The following TPRG1 variants were observed in gnomAD, a reference collection of about 807,000 sequenced individuals.
TPRG1 encodes tumor protein p63-regulated gene 1 protein.
In TPRG1, 29 loss-of-function variants were observed where a neutral mutation model predicts 29.3. The observed-to-expected ratio is 0.99, with a 90% CI of 0.74 to 1.35. The LOEUF (loss-of-function observed/expected upper bound fraction) is 1.35. Among genes scored for constraint, TPRG1 ranks in the 40% most tolerant of loss-of-function variants. The pLI is 0.00. For missense variants in TPRG1, 327 were observed against 335.0 expected (o/e 0.98, Z 0.19); for synonymous variants, 130 against 116.8 (o/e 1.11, Z -0.73).
intron 5 of TPRG1, among the ~76,000 whole-genome samples, chr3:189,156,997 A>G (rs1015498987): frequency 6.6e-6 from 1 of 152,186 alleles, no homozygotes; most frequent in Non-Finnish European, 1.5e-5. Flanking sequence ...CAGTGACAAA[A>G]GTCATACTAT....
intron 3 of TPRG1, among the ~76,000 whole-genome samples, chr3:189,215,888 T>C (rs919361236): frequency 1.3e-5 from 2 of 152,128 alleles, no homozygotes; most frequent in Non-Finnish European, 2.9e-5. Context: ...AGAGTTAGGA[T>C]AAAAACCAAG....
upstream of TPRG1, among the ~76,000 whole-genome samples, chr3:189,098,579 C>G (rs1461795017): frequency 6.6e-6 from 1 of 152,034 alleles, no homozygotes; most frequent in East Asian, 1.9e-4. Flanking sequence ...CTTGGGTGTT[C>G]AGAGGTTTTT....
chr3:189,040,439 T>C (rs1245474081), intron 4 of TPRG1, among the ~76,000 whole-genome samples: 1 of 152,258 alleles, frequency 6.6e-6, no homozygotes, highest in Admixed American at 6.5e-5. Flanking sequence ...TTGCTGCTGG[T>C]GGTATTCCCC....
chr3:189,283,963 A>G (rs1258996430), intron 4 of TPRG1, among the ~76,000 whole-genome samples: 1 of 152,218 alleles, frequency 6.6e-6, no homozygotes, highest in African/African-American at 2.4e-5. Flanking sequence ...AGATAAGATG[A>G]CTGGAGACTT....
In TPRG1 at chr3:189,129,870, A is replaced by T. The variant is rs532852391; in HGVS notation, c.-589-2529A>T. ...AATTTTACTTATTTTACTAACATTG[A>T]TCAAACATTTACTTCTATACAGGGC... On this transcript the variant is annotated intron_variant, in intron 2 of 6. Transcript: ENST00000412373. Among the ~76,000 whole-genome samples, 44 of 152,322 alleles carry T rather than the reference A, an allele frequency of 2.9e-4. 1 individual carries two copies. The South Asian group carries it at 5.0e-3, about 17-fold the overall frequency.
At chr3:189,150,621 G>C (rs962190170) in intron 4 of TPRG1, 1 of 152,164 alleles carries the variant, frequency 6.6e-6, no homozygotes, top group Non-Finnish European at 1.5e-5. Flanking sequence ...CACAATACAT[G>C]ATCAATAACT....
intron 4 of TPRG1, among the ~76,000 whole-genome samples, chr3:189,302,310 A>G (rs189956585): frequency 8.9e-4 from 135 of 152,320 alleles, no homozygotes; most frequent in African/African-American, 3.1e-3. Context: ...ACCTTTAACT[A>G]TGAGAGATTG....
intron 4 of TPRG1, 51 bp downstream of exon 4, chr3:189,238,960 C>A: frequency 1.4e-6 from 2 of 1,468,648 alleles, no homozygotes; most frequent in South Asian, 1.4e-5. Context: ...GATGGACCTG[C>A]AGGGAAAACA....
At chr3:189,201,811 T>G (rs1414031402) in intron 1 of TPRG1, among the ~76,000 whole-genome samples, 1 of 152,030 alleles carries the variant, frequency 6.6e-6, no homozygotes. Flanking sequence ...CCACCACGCC[T>G]GGCTAATTTT....
Position 189,101,476 on chromosome 3 carries a change from A to G in TPRG1, c.-744+1272A>G, listed in dbSNP as rs187154084. On this transcript the variant is annotated intron_variant, in intron 1 of 6. Coordinates refer to the TPRG1 transcript ENST00000412373. ...ATTTCACACTCACCCCCCACTGTCA[A>G]CCATGGACCTCTGGCAACCATGGAC... 3.3e-3 allele frequency among the ~76,000 whole-genome samples: 497 copies of G among 152,086 alleles called. 1 individual carries two copies. Among genetic ancestry groups the G allele is most frequent in the African/African-American group, 0.011 (477 of 41,516 alleles).
chr3:189,276,684 CATT>C (rs977808565), intron 4 of TPRG1, among the ~76,000 whole-genome samples: 8 of 152,118 alleles, frequency 5.3e-5, no homozygotes, highest in South Asian at 2.1e-4. Flanking sequence ...AAAAACAAGA[CATT>C]GTTAACAATC....
chr3:189,065,853 G>A (rs1716404658), intron 4 of TPRG1, among the ~76,000 whole-genome samples: 1 of 151,780 alleles, frequency 6.6e-6, no homozygotes, highest in African/African-American at 2.4e-5. Context: ...TGGAAAGGAA[G>A]GAATAAAACT....
At chr3:189,250,792 C>T (rs1742121759) in intron 4 of TPRG1, among the ~76,000 whole-genome samples, 2 of 150,274 alleles carry the variant, frequency 1.3e-5, no homozygotes, top group Admixed American at 1.3e-4. Context: ...TTAGTACCCA[C>T]TCGCTGTAGG....
intron 1 of TPRG1, among the ~76,000 whole-genome samples, chr3:189,188,577 T>C (rs1029377777): frequency 6.6e-6 from 1 of 152,190 alleles, no homozygotes; most frequent in Non-Finnish European, 1.5e-5. Context: ...AGACTAGAAT[T>C]TCTGCCAAGC....
intron 4 of TPRG1, among the ~76,000 whole-genome samples, chr3:189,045,047 A>G (rs1714887576): frequency 6.6e-6 from 1 of 152,214 alleles, no homozygotes; most frequent in African/African-American, 2.4e-5. Flanking sequence ...ACCCCAGAAG[A>G]TCTAATGTGT....
chr3:189,217,146 A>G (rs1736193054), intron 3 of TPRG1, among the ~76,000 whole-genome samples: 1 of 152,218 alleles, frequency 6.6e-6, no homozygotes, highest in Non-Finnish European at 1.5e-5. Flanking sequence ...ATTGTCCAAA[A>G]CTAAGTCAGA....
upstream of TPRG1, among the ~76,000 whole-genome samples, chr3:189,168,756 C>T (rs1560508372): frequency 6.6e-6 from 1 of 152,188 alleles, no homozygotes; most frequent in Non-Finnish European, 1.5e-5. Flanking sequence ...CAAAAGACTC[C>T]TGGGACAAGG....
At chr3:189,031,137 A>G (rs567699612) in intron 4 of TPRG1, among the ~76,000 whole-genome samples, 138 of 152,112 alleles carry the variant, frequency 9.1e-4, no homozygotes, top group African/African-American at 3.2e-3. Flanking sequence ...AACAACAACA[A>G]AAAATTATCC....
At chr3:189,030,071 G>T (rs540284956) in intron 4 of TPRG1, among the ~76,000 whole-genome samples, 1 of 152,246 alleles carries the variant, frequency 6.6e-6, no homozygotes, top group East Asian at 1.9e-4. Context: ...AACCAGAGGT[G>T]TTTCTTCTCT....
Sources: allele counts gnomAD v4.1 joint callset (sites outside exome capture counted in the v4.1 genomes callset), GRCh38; gene constraint gnomAD v4.1.1; transcripts MANE v1.5; gene names NCBI Gene and HGNC (gene_info 2026-07-23, HGNC 2026-07-21).